MEGF11: variants seen among roughly 807,000 people sequenced by gnomAD.
MEGF11 encodes multiple epidermal growth factor-like domains protein 11.
MEGF11 carries 126 observed loss-of-function variants against 146.6 expected under a neutral mutation model. That is an observed-to-expected ratio of 0.86 (90% confidence interval 0.74 to 1.00). The LOEUF (loss-of-function observed/expected upper bound fraction) is 1.00, where lower values mean the gene tolerates loss of function less well. Ranked by LOEUF, MEGF11 falls within the 50% of genes least tolerant of loss-of-function variation. MEGF11 has a pLI of 0.00. For synonymous variants in MEGF11, 532 were observed against 583.4 expected, an observed-to-expected ratio of 0.91 and a Z score of 1.27; for missense variants, 1,509 against 1,521.2, an observed-to-expected ratio of 0.99 and a Z score of 0.13.
intron 5 of MEGF11, among the ~76,000 whole-genome samples, chr15:66,038,722 G>A (rs1015956819): frequency 4.6e-5 from 7 of 152,084 alleles, no homozygotes; most frequent in South Asian, 2.1e-4. Context: ...GCTGAACCCC[G>A]GTTCTGCCTC....
intron 11 of MEGF11, among the ~76,000 whole-genome samples, chr15:65,930,366 G>A (rs1201257273): frequency 6.6e-6 from 1 of 152,152 alleles, no homozygotes; most frequent in Non-Finnish European, 1.5e-5. Flanking sequence ...GCAGGAGACC[G>A]GCCCACAGAC....
chr15:66,104,982 T>G (rs1290353689), intron 4 of MEGF11, among the ~76,000 whole-genome samples: 1 of 151,922 alleles, frequency 6.6e-6, no homozygotes, highest in African/African-American at 2.4e-5. Flanking sequence ...CAGAAACCCC[T>G]CCAACCAAAA....
chr15:65,923,487 G>T (rs1232917973), intron 13 of MEGF11, among the ~76,000 whole-genome samples: 1 of 152,194 alleles, frequency 6.6e-6, no homozygotes, highest in Non-Finnish European at 1.5e-5. Flanking sequence ...CCAGGGAGGG[G>T]CTCAGAGAGT....
chr15:66,079,159 C>T (rs1364745127), intron 5 of MEGF11, among the ~76,000 whole-genome samples: 3 of 152,108 alleles, frequency 2.0e-5, no homozygotes, highest in East Asian at 3.9e-4. Flanking sequence ...AGCAGTGGCC[C>T]CACACCGCCT....
intron 20 of MEGF11, 102 bp downstream of exon 20, chr15:65,913,635 C>T (rs2078888445): frequency 9.9e-7 from 1 of 1,013,398 alleles, no homozygotes; most frequent in Non-Finnish European, 1.5e-6. Flanking sequence ...GGAGACTGAG[C>T]TTCCACATTC....
chr15:65,986,493 C>CA (rs955714390), intron 5 of MEGF11, among the ~76,000 whole-genome samples: 81 of 149,706 alleles, frequency 5.4e-4, no homozygotes, highest in Middle Eastern at 3.4e-3. Context: ...AGTGATTAAA[C>CA]AAAAAAAAAC....
intron 5 of MEGF11, among the ~76,000 whole-genome samples, chr15:66,042,308 C>T (rs2084019575): frequency 6.6e-6 from 1 of 152,054 alleles, no homozygotes; most frequent in South Asian, 2.1e-4. Context: ...CGGGGTTTCA[C>T]CACGTTGGCC....
At chr15:65,956,605 T>G (rs1271670607) in intron 10 of MEGF11, among the ~76,000 whole-genome samples, 5 of 152,172 alleles carry the variant, frequency 3.3e-5, no homozygotes, top group Non-Finnish European at 7.3e-5. Flanking sequence ...ACAGCACAAT[T>G]AAACATGGCC....
rs1240350297 is a variant in MEGF11 at position 65,896,650 on chromosome 15, C to G, written c.*1284G>C. ...TTGATTTCATTTCATTTGGACTTAT[C>G]TGAGCCTCAGTTTATCTGTGTTCAT... is the stretch of plus-strand genomic sequence containing the variant. On this transcript the variant is annotated 3_prime_UTR_variant, in exon 26 of 26. Coordinates refer to ENST00000395614, the MANE Select transcript of MEGF11 (RefSeq NM_001385028.1). 3 of 152,400 alleles carry G rather than the reference C, an allele frequency of 2.0e-5. No homozygotes were observed. Among genetic ancestry groups the G allele is most frequent in the African/African-American group, 4.8e-5 (2 of 41,420 alleles). 9.4% of individuals were successfully genotyped at this position (152,400 alleles called of 1,614,324 possible). A position where few individuals can be genotyped will look rare whatever the true frequency, so the allele number is the denominator to read the frequency against.
chr15:66,247,447 G>T (rs1481659314), intron 1 of MEGF11, among the ~76,000 whole-genome samples: 1 of 152,132 alleles, frequency 6.6e-6, no homozygotes, highest in Non-Finnish European at 1.5e-5. Flanking sequence ...GTGAAAAACA[G>T]GGCTTAAAAC....
At chr15:65,925,163 A>G (rs1207162793) in intron 13 of MEGF11, among the ~76,000 whole-genome samples, 1 of 152,236 alleles carries the variant, frequency 6.6e-6, no homozygotes, top group African/African-American at 2.4e-5. Context: ...TGAAAGCACC[A>G]CTGAATTCGT....
rs995786790 is a variant in MEGF11 at position 66,178,677 on chromosome 15, C to T, written c.-8-50266G>A. ...ATTTGCAGACCCTGAGAGTGAGTGC[C>T]TCCTTAAATGTTTCAGCCCCAGGTA... On this transcript the variant is annotated intron_variant, in intron 1 of 25. Transcript: ENST00000395614. Among the ~76,000 whole-genome samples the T allele has an allele frequency of 4.6e-5, 7 of 152,170 alleles. No homozygotes were observed. In the South Asian group the frequency reaches 1.0e-3, roughly 23 times the overall value.
rs537775057 is a variant in MEGF11 at position 66,009,038 on chromosome 15, AG to A, written c.395-26551del. The stretch of plus-strand genomic sequence containing the variant: ...CAGCAATGTAACCAGAACTTCATAA[AG>A]GCTTTTCACTCTTACATTCTAGGAG... On this transcript the variant is annotated intron_variant, in intron 5 of 25. Coordinates refer to ENST00000395614, the MANE Select transcript of MEGF11 (RefSeq NM_001385028.1). Among the ~76,000 whole-genome samples the A allele has an allele frequency of 7.0e-3, 1,062 of 152,110 alleles. 4 individuals carry two copies. Among genetic ancestry groups the A allele is most frequent in the Non-Finnish European group, 8.9e-3 (605 of 67,994 alleles).
chr15:66,063,534 G>A (rs1391235500), intron 5 of MEGF11, among the ~76,000 whole-genome samples: 1 of 152,212 alleles, frequency 6.6e-6, no homozygotes, highest in Non-Finnish European at 1.5e-5. Flanking sequence ...CCAGGCCATA[G>A]TTCCAGCCCC....
chr15:65,983,208 G>C (rs17239740), intron 5 of MEGF11, among the ~76,000 whole-genome samples: 18,085 of 152,208 alleles, frequency 0.12, 1,239 homozygotes, highest in Middle Eastern at 0.2. Flanking sequence ...AGCTTCAGAA[G>C]GAGCAGGAAA....
chr15:65,909,868 C>T (rs1199841880), intron 21 of MEGF11, 62 bp from the exon 22 acceptor site: 1 of 1,411,870 alleles, frequency 7.1e-7, no homozygotes, highest in East Asian at 2.5e-5. Context: ...CCCCAGTCTT[C>T]ACTTTGCGTA....
intron 2 of MEGF11, 121 bp from the exon 3 acceptor site, chr15:66,124,121 C>T: frequency 1.3e-6 from 1 of 747,850 alleles, no homozygotes; most frequent in South Asian, 1.7e-5. Context: ...TCCGGAGGCT[C>T]TGACCTCCCC....
intron 1 of MEGF11, among the ~76,000 whole-genome samples, chr15:66,210,385 T>A (rs1208350369): frequency 2.0e-5 from 3 of 152,174 alleles, no homozygotes; most frequent in African/African-American, 7.2e-5. Context: ...GTGCCCTGCC[T>A]GTCTCACTCT....
chr15:65,899,265 G>T (rs1027030892), intron 24 of MEGF11, among the ~76,000 whole-genome samples: 6 of 152,202 alleles, frequency 3.9e-5, no homozygotes, highest in African/African-American at 1.4e-4. Context: ...CATTTTATGA[G>T]ATCAAGGCTC....
Sources: gnomAD v4.1 joint callset for allele counts (sites outside exome capture counted in the v4.1 genomes callset) on GRCh38, gnomAD v4.1.1 for gene constraint, MANE v1.5 for transcripts, NCBI Gene and HGNC (gene_info 2026-07-23, HGNC 2026-07-21) for gene names.